PIP4K2A: variants seen among roughly 807,000 people sequenced by gnomAD.
PIP4K2A encodes the protein phosphatidylinositol-5-phosphate 4-kinase type 2 alpha, also known as phosphatidylinositol 5-phosphate 4-kinase type-2 alpha.
Under a neutral mutation model 42.9 loss-of-function variants are expected in PIP4K2A, and 14 were observed. The ratio of observed to expected loss-of-function variants is 0.33; its 90% CI spans 0.22 to 0.51. PIP4K2A has a LOEUF of 0.51. PIP4K2A is among the 20% of genes least tolerant of loss of function. PIP4K2A has a pLI of 0.97. For missense variants in PIP4K2A, 434 were observed against 519.8 expected (o/e 0.83, Z 1.61); for synonymous variants, 192 against 192.2 (o/e 1.00, Z 0.01).
intron 1 of PIP4K2A, among the ~76,000 whole-genome samples, chr10:22,695,354 G>A (rs1839947972): frequency 1.3e-5 from 2 of 152,146 alleles, no homozygotes; most frequent in Non-Finnish European, 2.9e-5. Flanking sequence ...TTTTTTCACT[G>A]CTAAGATGCA....
At chr10:22,649,973 G>A (rs561389892) in intron 1 of PIP4K2A, among the ~76,000 whole-genome samples, 1 of 152,288 alleles carries the variant, frequency 6.6e-6, no homozygotes, top group South Asian at 2.1e-4. Context: ...AACACCCAGA[G>A]TTCATGGTTC....
chr10:22,708,438 C>T (rs1442618424), intron 1 of PIP4K2A, among the ~76,000 whole-genome samples: 1 of 152,146 alleles, frequency 6.6e-6, no homozygotes, highest in Admixed American at 6.5e-5. Flanking sequence ...TAGTGGCTCC[C>T]GAGCTCCAAT....
At chr10:22,702,028 A>T (rs1445288763) in intron 1 of PIP4K2A, among the ~76,000 whole-genome samples, 1 of 152,260 alleles carries the variant, frequency 6.6e-6, no homozygotes, top group East Asian at 1.9e-4. Context: ...GGTCCAAAAA[A>T]TTCCAAGCTG....
chr10:22,583,412 T>C (rs1837322493), intron 4 of PIP4K2A, among the ~76,000 whole-genome samples: 1 of 152,020 alleles, frequency 6.6e-6, no homozygotes. Flanking sequence ...GGGGGGGAGC[T>C]GATCATTTGG....
At chr10:22,546,819 G>A (rs181775809) in intron 7 of PIP4K2A, among the ~76,000 whole-genome samples, 1 of 152,168 alleles carries the variant, frequency 6.6e-6, no homozygotes, top group Non-Finnish European at 1.5e-5. Context: ...AGACAGAAAG[G>A]GGGCGTGGGC....
intron 3 of PIP4K2A, among the ~76,000 whole-genome samples, chr10:22,604,727 G>A (rs75458267): frequency 3.3e-5 from 5 of 152,128 alleles, no homozygotes; most frequent in Admixed American, 2.6e-4. Context: ...TGACAGAGGC[G>A]GCCGGTGGGA....
At chr10:22,609,777 T>C in intron 1 of PIP4K2A, 60 bp from the exon 2 acceptor site, 1 of 995,724 alleles carries the variant, frequency 1.0e-6, no homozygotes, top group South Asian at 1.4e-5. Context: ...AGGACTTGAC[T>C]TGAATGTGTA....
intron 1 of PIP4K2A, among the ~76,000 whole-genome samples, chr10:22,649,980 G>A (rs965023318): frequency 2.0e-5 from 3 of 152,144 alleles, no homozygotes; most frequent in Non-Finnish European, 2.9e-5. Context: ...AGAGTTCATG[G>A]TTCTATCTGC....
rs187084191 is a variant in PIP4K2A, at chr10:22,688,397, C to A, written c.144+25786G>T. ...ATTTACAGAATTTCCTTACGTGGTT[C>A]TTTGATAGTAGTGACAGTATCTGGT... On this transcript the variant is annotated intron_variant, in intron 1 of 9. Coordinates refer to ENST00000376573, the MANE Select transcript of PIP4K2A (RefSeq NM_005028.5). Among the ~76,000 whole-genome samples the A allele has an allele frequency of 5.1e-4, 77 of 152,264 alleles. 1 individual carries two copies. The highest frequency in any genetic ancestry group is 1.9e-3 in the African/African-American group (77 of 41,538).
At chr10:22,706,712 G>A (rs1833830363) in intron 1 of PIP4K2A, among the ~76,000 whole-genome samples, 2 of 152,168 alleles carry the variant, frequency 1.3e-5, no homozygotes, top group Non-Finnish European at 2.9e-5. Context: ...GTCAATAGCT[G>A]ACATAACTTG....
At chr10:22,601,467 CAG>C (rs1837775490) in intron 3 of PIP4K2A, among the ~76,000 whole-genome samples, 1 of 152,190 alleles carries the variant, frequency 6.6e-6, no homozygotes, top group African/African-American at 2.4e-5. Context: ...GCTGTCCAAT[CAG>C]AGAGGGGCCT....
chr10:22,595,706 G>A (rs925636769), intron 3 of PIP4K2A, among the ~76,000 whole-genome samples: 3 of 151,464 alleles, frequency 2.0e-5, no homozygotes, highest in East Asian at 1.9e-4. Flanking sequence ...GCAATGAGCC[G>A]AGATCACACC....
intron 5 of PIP4K2A, among the ~76,000 whole-genome samples, chr10:22,571,133 T>C (rs116869334): frequency 0.012 from 1,813 of 152,356 alleles, 20 homozygotes; most frequent in Non-Finnish European, 0.019. Context: ...AGAACTGTTT[T>C]CGTGACGGTT....
intron 1 of PIP4K2A, among the ~76,000 whole-genome samples, chr10:22,686,761 T>A (rs961577449): frequency 4.6e-5 from 7 of 152,196 alleles, no homozygotes; most frequent in Non-Finnish European, 1.0e-4. Context: ...TGAGCCACCG[T>A]GCCCAGCCTC....
chr10:22,674,357 C>T (rs1412167785), intron 1 of PIP4K2A, among the ~76,000 whole-genome samples: 1 of 145,610 alleles, frequency 6.9e-6, no homozygotes, highest in Non-Finnish European at 1.5e-5. Context: ...GACACTGTGA[C>T]TCCTAAGAAC....
rs549023846 is a variant in PIP4K2A at position 22,612,168 on chromosome 10, A to G, written c.145-2451T>C. Reference sequence around the variant, plus strand: ...TCCCCACCCATCCTCGCGTCAGCACAACCTTTAAGAGTCCACTCTGTGCTG... The same window carrying G: ...TCCCCACCCATCCTCGCGTCAGCACGACCTTTAAGAGTCCACTCTGTGCTG... On this transcript the variant is annotated intron_variant, in intron 1 of 9. Transcript: ENST00000376573. Among the ~76,000 whole-genome samples, 11 of 152,354 alleles carry G rather than the reference A, an allele frequency of 7.2e-5. No individual in the cohort carries two copies. The East Asian group carries it at 2.1e-3, about 29-fold the overall frequency.
At chr10:22,710,663 T>C (rs1833897934) in intron 1 of PIP4K2A, among the ~76,000 whole-genome samples, 1 of 152,118 alleles carries the variant, frequency 6.6e-6, no homozygotes, top group East Asian at 1.9e-4. Context: ...ATTACCAGCC[T>C]TTCCTTCTAC....
At chr10:22,670,566 T>G (rs1224358245) in intron 1 of PIP4K2A, among the ~76,000 whole-genome samples, 1 of 152,174 alleles carries the variant, frequency 6.6e-6, no homozygotes, top group African/African-American at 2.4e-5. Context: ...CAGGGGCTAA[T>G]AGTGCAATTA....
At chr10:22,664,060 T>TATACACACACAC (rs570101374) in intron 1 of PIP4K2A, among the ~76,000 whole-genome samples, 4 of 83,078 alleles carry the variant, frequency 4.8e-5, no homozygotes, top group Non-Finnish European at 6.4e-5. Context: ...TATGTATATA[T>TATACACACACAC]ACATATATAT....
Sources: allele counts gnomAD v4.1 joint callset (sites outside exome capture counted in the v4.1 genomes callset), GRCh38; gene constraint gnomAD v4.1.1; transcripts MANE v1.5; gene names NCBI Gene and HGNC (gene_info 2026-07-23, HGNC 2026-07-21).